The following ZBTB16 variants were observed in gnomAD, a reference collection of about 807,000 sequenced individuals.
ZBTB16 encodes zinc finger and BTB domain containing 16, also known as zinc finger and BTB domain-containing protein 16.
In ZBTB16, 8 loss-of-function variants were observed where a neutral mutation model predicts 56.8. That is an observed-to-expected ratio of 0.14 (90% confidence interval 0.08 to 0.25). The LOEUF (loss-of-function observed/expected upper bound fraction) is 0.25. ZBTB16 is among the 10% of genes least tolerant of loss of function. The pLI is 1.00. For missense variants in ZBTB16, 625 were observed against 903.0 expected, an observed-to-expected ratio of 0.69 and a Z score of 3.95; for synonymous variants, 363 against 368.5, an observed-to-expected ratio of 0.98 and a Z score of 0.17.
chr11:114,233,105 A>G (rs1244223879), intron 4 of ZBTB16, among the ~76,000 whole-genome samples: 1 of 42,534 alleles, frequency 2.4e-5, no homozygotes, highest in African/African-American at 5.2e-5. Context: ...ACACACACAC[A>G]CACACACACA....
intron 2 of ZBTB16, among the ~76,000 whole-genome samples, chr11:114,108,310 A>G (rs1940873523): frequency 1.3e-5 from 2 of 152,132 alleles, no homozygotes; most frequent in African/African-American, 4.8e-5. Context: ...TAGAACACCT[A>G]TCATCTCCAG....
chr11:114,162,235 C>T (rs149510244), intron 3 of ZBTB16, among the ~76,000 whole-genome samples: 1,690 of 152,232 alleles, frequency 0.011, 18 homozygotes, highest in Non-Finnish European at 0.018. Context: ...CGCGGTTGGA[C>T]GGAAGAAGAA....
At chr11:114,215,378 G>A (rs1944075244) in intron 4 of ZBTB16, among the ~76,000 whole-genome samples, 2 of 152,160 alleles carry the variant, frequency 1.3e-5, no homozygotes, top group Admixed American at 6.5e-5. Flanking sequence ...CATTCTGGAG[G>A]ATTGAGATGG....
At chr11:114,162,296 T>C (rs1422535201) in intron 3 of ZBTB16, among the ~76,000 whole-genome samples, 1 of 152,198 alleles carries the variant, frequency 6.6e-6, no homozygotes, top group African/African-American at 2.4e-5. Context: ...TCTGTTTTAT[T>C]TATTTATTCT....
Position 114,064,104 on chromosome 11 carries a change from G to T in ZBTB16, c.804G>T (p.Met268Ile). ...GAAESSISGG[M>I]GDKVEERGKE... The stretch of plus-strand genomic sequence containing the variant: ...CCGAGTCCAGCATCTCAGGAGGGAT[G>T]GGGGACAAGGTTGAGGAAAGAGGCA... Residue 268 changes from methionine (M) to isoleucine (I), a missense_variant, in exon 2 of 7, where the codon ATG (methionine) becomes ATT (isoleucine). Physicochemically the swap from Met to Ile is conservative, Grantham distance 10 (BLOSUM62 1). Around this residue, in one of 6 missense-constraint regions of ZBTB16, gnomAD observed 384 missense variants for 393.5 expected, o/e 0.98. Transcript: ENST00000335953. The surrounding 1 kb of genome is among the most constrained non-coding windows in gnomAD (Gnocchi z 4.2). The T allele has an allele frequency of 6.2e-7, 1 of 1,613,924 alleles. No individual in the cohort carries two copies.
intron 2 of ZBTB16, among the ~76,000 whole-genome samples, chr11:114,084,976 A>G (rs1221676108): frequency 6.6e-6 from 1 of 152,224 alleles, no homozygotes; most frequent in African/African-American, 2.4e-5. Flanking sequence ...ACTCTTGTCC[A>G]GATTCCAAAA....
At chr11:114,091,920 T>C (rs1359513013) in intron 2 of ZBTB16, among the ~76,000 whole-genome samples, 3 of 152,204 alleles carry the variant, frequency 2.0e-5, no homozygotes, top group Non-Finnish European at 4.4e-5. Context: ...TACGAGTCAT[T>C]GGAATGACCA....
intron 2 of ZBTB16, among the ~76,000 whole-genome samples, chr11:114,130,371 CT>C (rs1242938900): frequency 6.6e-6 from 1 of 152,218 alleles, no homozygotes. Flanking sequence ...GGAGAGTGGC[CT>C]TCTCCCTGGC....
rs1447022053 is a variant in ZBTB16 at position 114,060,748 on chromosome 11, A to G, written c.-91+866A>G. 1.3e-5 allele frequency among the ~76,000 whole-genome samples: 2 copies of G among 150,388 alleles called. No homozygotes were observed. Among genetic ancestry groups the G allele is most frequent in the Non-Finnish European group, 3.0e-5 (2 of 67,562 alleles). The stretch of plus-strand genomic sequence containing the variant: ...CGGACGCACGGAGCGCTCCGCACCG[A>G]CTCGCTCGCCGCCTCCCCGAGACGC... On this transcript the variant is annotated intron_variant, in intron 1 of 6. Coordinates refer to ENST00000335953, the MANE Select transcript of ZBTB16 (RefSeq NM_006006.6). The surrounding 1 kb of genome is among the most constrained non-coding windows in gnomAD (Gnocchi z 6.0).
chr11:114,247,261 G>A lies in ZBTB16; in HGVS notation c.1688G>A (p.Ser563Asn), dbSNP rs2135210965. ...TTCCGGGATGAGAGCACACTCAAGAGCCACAAACGCATCCACACGGGTGAG... is the reference window on the plus strand; with the variant it reads ...TTCCGGGATGAGAGCACACTCAAGAACCACAAACGCATCCACACGGGTGAG... ...SCFRDESTLK[S>N]HKRIHTGEKP... The change falls in exon 6 of 7, where the codon AGC (serine) becomes AAC (asparagine). Residue 563 changes from serine (S) to asparagine (N), a missense_variant. Ser to Asn is a conservative substitution (Grantham distance 46). Transcript: ENST00000335953. The A allele has an allele frequency of 6.2e-7, 1 of 1,614,238 alleles. No homozygotes were observed. The highest frequency in any genetic ancestry group is 2.2e-5 in the East Asian group (1 of 44,884).
At chr11:114,074,452 T>C (rs543750192) in intron 2 of ZBTB16, among the ~76,000 whole-genome samples, 1 of 152,310 alleles carries the variant, frequency 6.6e-6, no homozygotes, top group Non-Finnish European at 1.5e-5. Context: ...TTATTTAAGC[T>C]GTTCAGCAGG....
chr11:114,087,215 T>C (rs981417324), intron 2 of ZBTB16, among the ~76,000 whole-genome samples: 1 of 152,264 alleles, frequency 6.6e-6, no homozygotes, highest in East Asian at 1.9e-4. Context: ...CTCTGCTGAA[T>C]GTAGAAGAAG....
In ZBTB16 at chr11:114,215,460, A is replaced by T. The variant is rs941312382; in HGVS notation, c.1454-26707A>T. Among the ~76,000 whole-genome samples, 12 of 152,344 alleles carry T rather than the reference A, an allele frequency of 7.9e-5. 2 individuals are homozygous for T. Among genetic ancestry groups the T allele is most frequent in the East Asian group, 5.8e-4 (3 of 5,186 alleles). On this transcript the variant is annotated intron_variant, in intron 4 of 6. Transcript: ENST00000335953. Reference sequence around the variant, plus strand: ...TGGCTCTTTCCAAAAAGGGGAAGGGAAAGATATGGCAGCTCATTCAGATGT... The same window carrying T: ...TGGCTCTTTCCAAAAAGGGGAAGGGTAAGATATGGCAGCTCATTCAGATGT...
chr11:114,130,093 C>T (rs1307131749), intron 2 of ZBTB16, among the ~76,000 whole-genome samples: 1 of 152,160 alleles, frequency 6.6e-6, no homozygotes, highest in African/African-American at 2.4e-5. Context: ...CTTTGTTTTT[C>T]TTTCACTTAC....
intron 4 of ZBTB16, among the ~76,000 whole-genome samples, chr11:114,236,253 A>G (rs949730397): frequency 5.3e-5 from 8 of 152,214 alleles, no homozygotes; most frequent in African/African-American, 1.9e-4. Flanking sequence ...TTGCATCATA[A>G]CAGGGCTATG....
chr11:114,209,538 C>CA (rs1361694205), intron 4 of ZBTB16: 1 of 985,408 alleles, frequency 1.0e-6, no homozygotes, highest in Non-Finnish European at 1.2e-6. Context: ...GCCTCTGACC[C>CA]TGAGGCTCTG....
intron 4 of ZBTB16, among the ~76,000 whole-genome samples, chr11:114,205,831 C>T (rs964894064): frequency 6.6e-6 from 1 of 150,452 alleles, no homozygotes; most frequent in African/African-American, 2.4e-5. Context: ...CATCTGAAAG[C>T]TGCCCCTTGG....
chr11:114,116,001 A>C (rs1016897308), intron 2 of ZBTB16, among the ~76,000 whole-genome samples: 5 of 152,220 alleles, frequency 3.3e-5, no homozygotes, highest in Non-Finnish European at 7.3e-5. Flanking sequence ...AACCACTGGA[A>C]GCAATTACTG....
At chr11:114,177,947 T>G (rs1466505867) in intron 3 of ZBTB16, among the ~76,000 whole-genome samples, 9 of 152,342 alleles carry the variant, frequency 5.9e-5, no homozygotes. Flanking sequence ...AATTCACTCA[T>G]GTATTTTTAA....
Sources: gnomAD v4.1 joint callset for allele counts (sites outside exome capture counted in the v4.1 genomes callset) on GRCh38, gnomAD v4.1.1 for gene constraint, gnomAD v4.1.1 regional missense constraint, Gnocchi (gnomAD v3.1) non-coding constraint, MANE v1.5 for transcripts, NCBI Gene and HGNC (gene_info 2026-07-23, HGNC 2026-07-21) for gene names.